Variants in PHACTR2 observed in about 807,000 individuals in gnomAD.
The protein encoded by PHACTR2 is phosphatase and actin regulator 2.
PHACTR2 carries 30 observed loss-of-function variants against 76.0 expected under a neutral mutation model. The ratio of observed to expected loss-of-function variants is 0.39; its 90% CI spans 0.30 to 0.54. PHACTR2 has a LOEUF of 0.54. Ranked by LOEUF, PHACTR2 falls within the 20% of genes least tolerant of loss-of-function variation. The pLI is 0.61. For missense variants in PHACTR2, 696 were observed against 781.1 expected (o/e 0.89, Z 1.30); for synonymous variants, 292 against 292.5 (o/e 1.00, Z 0.02).
chr6:143,771,152 ATATATG>A lies in PHACTR2; in HGVS notation c.1233-1100_1233-1095del, dbSNP rs1289691057. 6.5e-3 allele frequency among the ~76,000 whole-genome samples: 332 copies of A among 51,450 alleles called. 5 individuals carry two copies. The highest frequency in any genetic ancestry group is 0.028 in the African/African-American group (258 of 9,058). The allele number at this position is 51,450 out of a possible 152,430, so 33.8% of individuals were successfully genotyped here. A position where few individuals can be genotyped will look rare whatever the true frequency, so the allele number is the denominator to read the frequency against. ...TTTACATATATATATATGTATATAT[ATATATG>A]TATATATATATATATGTATATATAT... On this transcript the variant is annotated intron_variant, in intron 6 of 12. Transcript: ENST00000440869.
At chr6:143,808,639 A>G (rs1348142874) in intron 12 of PHACTR2, among the ~76,000 whole-genome samples, 3 of 152,174 alleles carry the variant, frequency 2.0e-5, no homozygotes, top group Non-Finnish European at 2.9e-5. Flanking sequence ...TGAGGAATCC[A>G]TGGATTTTGG....
chr6:143,711,399 A>G (rs1488463212), intron 1 of PHACTR2, among the ~76,000 whole-genome samples: 1 of 152,252 alleles, frequency 6.6e-6, no homozygotes, highest in African/African-American at 2.4e-5. Flanking sequence ...TTAATAAAAT[A>G]GTGAAGACAT....
chr6:143,675,415 T>C (rs1777224528), upstream of PHACTR2, among the ~76,000 whole-genome samples: 1 of 152,160 alleles, frequency 6.6e-6, no homozygotes, highest in Non-Finnish European at 1.5e-5. The surrounding 1 kb of genome is among the most constrained non-coding windows in gnomAD (Gnocchi z 4.9). Flanking sequence ...GGCCAAATTG[T>C]TACATTTCAA....
chr6:143,749,579 T>C (rs1365431256), intron 3 of PHACTR2, among the ~76,000 whole-genome samples: 1 of 152,188 alleles, frequency 6.6e-6, no homozygotes, highest in Non-Finnish European at 1.5e-5. Flanking sequence ...ACTAACCTGC[T>C]TTCTGCTTTC....
At position 143,591,857 on chromosome 6, in the gene PHACTR2, C is replaced by G. The variant is rs1037273240; in HGVS notation, c.217+54650C>G. On this transcript the variant is annotated intron_variant, in intron 1 of 11. Coordinates refer to the PHACTR2 transcript ENST00000367584. The surrounding 1 kb of genome is among the most constrained non-coding windows in gnomAD (Gnocchi z 6.4). ...TTTGGTTACTTTGGGCCCTAGAATT[C>G]CTGGCTCAAACAGGGAATTTGTCCA... 6.6e-6 allele frequency among the ~76,000 whole-genome samples: 1 copy of G among 152,206 alleles called. No individual in the cohort carries two copies. Among genetic ancestry groups the G allele is most frequent in the Non-Finnish European group, 1.5e-5 (1 of 68,032 alleles).
At chr6:143,694,179 A>G (rs1388061562) in intron 1 of PHACTR2, among the ~76,000 whole-genome samples, 2 of 140,268 alleles carry the variant, frequency 1.4e-5, no homozygotes, top group Non-Finnish European at 3.1e-5. Context: ...GAGGGAAGGA[A>G]GGAGGGAGGG....
intron 1 of PHACTR2, among the ~76,000 whole-genome samples, chr6:143,620,669 A>G (rs1467279770): frequency 6.6e-6 from 1 of 152,236 alleles, no homozygotes; most frequent in African/African-American, 2.4e-5. Flanking sequence ...TTGCCCTGAC[A>G]TATAAAATCC....
At chr6:143,740,578 C>G (rs1778920050) in intron 2 of PHACTR2, among the ~76,000 whole-genome samples, 1 of 149,666 alleles carries the variant, frequency 6.7e-6, no homozygotes, top group African/African-American at 2.5e-5. Context: ...ACACGAGACA[C>G]TAATAAAAGT....
intron 1 of PHACTR2, among the ~76,000 whole-genome samples, chr6:143,574,190 G>A (rs983849441): frequency 6.6e-6 from 1 of 152,234 alleles, no homozygotes; most frequent in African/African-American, 2.4e-5. Flanking sequence ...AGCTGCTAGA[G>A]GCTCTCACTG....
At chr6:143,560,274 T>C (rs748446782) in intron 1 of PHACTR2, among the ~76,000 whole-genome samples, 1 of 152,260 alleles carries the variant, frequency 6.6e-6, no homozygotes, top group African/African-American at 2.4e-5. Context: ...GTAGAATTTC[T>C]GTCTTTACAA....
chr6:143,794,783 G>T lies in PHACTR2; in HGVS notation c.1845+5873G>T, dbSNP rs1489133112. ...CACTCCAGCCTGGGTGACAAAGCGA[G>T]ACTCCATCTCAAAAACTGAACCAAA... On this transcript the variant is annotated intron_variant, in intron 11 of 12. Coordinates refer to ENST00000440869, the MANE Select transcript of PHACTR2 (RefSeq NM_001100164.2). This position sits in a 1 kb window ranked among gnomAD's most constrained non-coding sequence, Gnocchi z 4.1. Among the ~76,000 whole-genome samples, 1 of 152,128 alleles carries T rather than the reference G, an allele frequency of 6.6e-6. No individual in the cohort carries two copies. Among genetic ancestry groups the T allele is most frequent in the African/African-American group, 2.4e-5 (1 of 41,434 alleles).
chr6:143,717,610 C>A (rs955953700), intron 2 of PHACTR2, among the ~76,000 whole-genome samples: 3 of 150,814 alleles, frequency 2.0e-5, no homozygotes, highest in Admixed American at 1.3e-4. Context: ...TCATTCTGTT[C>A]CCCCAGGCTG....
intron 2 of PHACTR2, among the ~76,000 whole-genome samples, chr6:143,724,474 A>C (rs1444306335): frequency 1.3e-5 from 2 of 152,072 alleles, no homozygotes; most frequent in African/African-American, 4.8e-5. Context: ...CCTTTTCCAG[A>C]CTAGAGCAAA....
In PHACTR2 at chr6:143,619,998, C is replaced by T. The variant is rs1294602025; in HGVS notation, c.13+11676C>T. On this transcript the variant is annotated intron_variant, in intron 1 of 11. Transcript: ENST00000305766. This position sits in a 1 kb window ranked among gnomAD's most constrained non-coding sequence, Gnocchi z 4.5. The stretch of plus-strand genomic sequence containing the variant: ...ATTTGTTCAAACAGTAAGCATTTCA[C>T]AACATTCATTAACCTTAGGGTCACT... Among the ~76,000 whole-genome samples, 1 of 152,088 alleles carries T rather than the reference C, an allele frequency of 6.6e-6. No homozygotes were observed. Among genetic ancestry groups the T allele is most frequent in the East Asian group, 1.9e-4 (1 of 5,198 alleles).
rs1371942096 is a variant in PHACTR2, at chr6:143,787,386, A to G, written c.1708-1387A>G. ...ATATAGATTGGACAGCAACTAGACT[A>G]TAGCAGATCACTTAGATTATTCTTT... On this transcript the variant is annotated intron_variant, in intron 10 of 12. Transcript: ENST00000440869. The surrounding 1 kb of genome is among the most constrained non-coding windows in gnomAD (Gnocchi z 4.6). Among the ~76,000 whole-genome samples, 5 of 152,376 alleles carry G rather than the reference A, an allele frequency of 3.3e-5. No homozygotes were observed. The East Asian group carries it at 9.6e-4, about 29-fold the overall frequency.
At chr6:143,604,293 C>T (rs931778510), upstream of PHACTR2, among the ~76,000 whole-genome samples, 16 of 152,050 alleles carry the variant, frequency 1.1e-4, no homozygotes, top group African/African-American at 3.1e-4. Context: ...AATCTAATTA[C>T]GTGGACAGTT....
intron 1 of PHACTR2, among the ~76,000 whole-genome samples, chr6:143,636,052 A>G (rs752508750): frequency 1.3e-5 from 2 of 152,138 alleles, no homozygotes; most frequent in Admixed American, 6.5e-5. Context: ...TACTAAAAGT[A>G]AAAAACTAAA....
At chr6:143,737,693 T>G (rs1376810771) in intron 2 of PHACTR2, among the ~76,000 whole-genome samples, 1 of 152,210 alleles carries the variant, frequency 6.6e-6, no homozygotes, top group Non-Finnish European at 1.5e-5. Flanking sequence ...AAGTTACCTT[T>G]CCCCAAACTG....
upstream of PHACTR2, among the ~76,000 whole-genome samples, chr6:143,675,424 A>G (rs1174701796): frequency 6.6e-6 from 1 of 152,210 alleles, no homozygotes; most frequent in Non-Finnish European, 1.5e-5. This position sits in a 1 kb window ranked among gnomAD's most constrained non-coding sequence, Gnocchi z 4.9. Flanking sequence ...GTTACATTTC[A>G]AGGAATTTTG....
Sources: allele counts gnomAD v4.1 joint callset (sites outside exome capture counted in the v4.1 genomes callset), GRCh38; gene constraint gnomAD v4.1.1; non-coding constraint Gnocchi (gnomAD v3.1); transcripts MANE v1.5; gene names NCBI Gene and HGNC (gene_info 2026-07-23, HGNC 2026-07-21).